The following ATXN2 variants were observed in gnomAD, a reference collection of about 807,000 sequenced individuals.
The protein encoded by ATXN2 is ataxin-2.
ATXN2 carries 37 observed loss-of-function variants against 138.6 expected under a neutral mutation model. The observed-to-expected ratio is 0.27, with a 90% confidence interval of 0.21 to 0.35. The LOEUF (loss-of-function observed/expected upper bound fraction) is 0.35, where lower values mean the gene tolerates loss of function less well. Among genes scored for constraint, ATXN2 ranks in the 10% least tolerant of loss-of-function variants. ATXN2 has a pLI of 1.00. For missense variants in ATXN2, 1,216 were observed against 1,480.3 expected (o/e 0.82, Z 2.93); for synonymous variants, 549 against 543.7 (o/e 1.01, Z -0.13).
intron 18 of ATXN2, among the ~76,000 whole-genome samples, chr12:111,481,000 C>T (rs1229005861): frequency 6.6e-6 from 1 of 152,070 alleles, no homozygotes; most frequent in Non-Finnish European, 1.5e-5. Context: ...CAAAGAACAC[C>T]ATCAAGCAAG....
chr12:111,586,219 CTT>C (rs112320110), intron 1 of ATXN2, among the ~76,000 whole-genome samples: 17 of 139,596 alleles, frequency 1.2e-4, no homozygotes, highest in Admixed American at 2.2e-4. Context: ...GTCTTCCAAA[CTT>C]TTTTTTTTTT....
chr12:111,517,556 T>C (rs1193729955), intron 9 of ATXN2, among the ~76,000 whole-genome samples: 1 of 152,202 alleles, frequency 6.6e-6, no homozygotes, highest in Non-Finnish European at 1.5e-5. Context: ...AGAACTGTTG[T>C]TCAGTATCCC....
chr12:111,510,477 A>T lies in ATXN2; in HGVS notation c.1664T>A (p.Ile555Asn). The change falls in exon 12 of 25, where the codon ATT becomes AAT. Residue 555 changes from isoleucine to asparagine, a missense_variant. Transcript: ENST00000673436. ...PVLASPQAGI[I>N]PTEAVAMPIP... ...AGGCATGGCAACAGCTTCAGTTGGA[A>T]TAATACCAGCTTGGGGAGAAGCAAG... is the stretch of plus-strand genomic sequence containing the variant. The T allele has an allele frequency of 1.2e-6, 2 of 1,614,186 alleles. No homozygotes were observed. The highest frequency in any genetic ancestry group is 1.3e-5 in the African/African-American group (1 of 75,052).
rs769865430 is a variant in ATXN2 at position 111,456,057 on chromosome 12, T to C, written c.3242A>G (p.Asn1081Ser). 23 of 1,613,970 alleles carry C rather than the reference T, an allele frequency of 1.4e-5. No homozygotes were observed. The highest frequency in any genetic ancestry group is 1.2e-4 in the African/African-American group (9 of 74,876). The part of the protein sequence containing the change: ...HPSHVQPAYT[N>S]PPHMAHVPQA... Reference sequence around the variant, plus strand: ...AGGTACGTGGGCCATGTGGGGTGGGTTGGTATACGCCGGCTGAACGTGAGA... The same window carrying C: ...AGGTACGTGGGCCATGTGGGGTGGGCTGGTATACGCCGGCTGAACGTGAGA... Residue 1081 changes from asparagine to serine, a missense_variant, in exon 23 of 25, where the codon AAC (asparagine) becomes AGC (serine). Coordinates refer to ENST00000673436, the MANE Select transcript of ATXN2 (RefSeq NM_001372574.1).
intron 1 of ATXN2, among the ~76,000 whole-genome samples, chr12:111,580,763 GAGAA>G (rs1011558730): frequency 1.9e-4 from 28 of 151,148 alleles, no homozygotes; most frequent in Non-Finnish European, 3.8e-4. Context: ...ATAAAAAGGA[GAGAA>G]AGGAAGGAAA....
At chr12:111,559,624 T>C (rs1262805402) in intron 1 of ATXN2, among the ~76,000 whole-genome samples, 3 of 150,934 alleles carry the variant, frequency 2.0e-5, no homozygotes, top group African/African-American at 4.9e-5. Flanking sequence ...ATAGAAAAAT[T>C]AGCCAGGCGT....
At chr12:111,536,362 G>T (rs1316100265) in intron 5 of ATXN2, among the ~76,000 whole-genome samples, 1 of 152,004 alleles carries the variant, frequency 6.6e-6, no homozygotes, top group Non-Finnish European at 1.5e-5. Context: ...TTAAAGTAAA[G>T]TTGTAAACAG....
chr12:111,490,374 G>C lies in ATXN2; in HGVS notation c.1936-1594C>G, dbSNP rs144455417. Among the ~76,000 whole-genome samples, 424 of 152,238 alleles carry C rather than the reference G, an allele frequency of 2.8e-3. 17 individuals carry two copies. The East Asian group carries it at 0.073, about 26-fold the overall frequency. ...CAGCAGCTTTGTGTGAAATGAACTG[G>C]AGGGAGGCTAATTAGGATGTGGAGG... On this transcript the variant is annotated intron_variant, in intron 14 of 24. Coordinates refer to ENST00000673436, the MANE Select transcript of ATXN2 (RefSeq NM_001372574.1).
intron 8 of ATXN2, among the ~76,000 whole-genome samples, chr12:111,519,560 A>T (rs1176115594): frequency 1.3e-5 from 2 of 152,212 alleles, no homozygotes; most frequent in Non-Finnish European, 2.9e-5. Context: ...TACTTTGAAC[A>T]TGCCTTTAAC....
At position 111,488,736 on chromosome 12, in the gene ATXN2, G is replaced by C. The variant is rs371335254; in HGVS notation, c.1980C>G (p.Asn660Lys). The change falls in exon 15 of 25, where the codon AAC becomes AAG. Residue 660 changes from asparagine to lysine, a missense_variant. Asn to Lys is a moderately conservative substitution (Grantham distance 94). Around this residue, in one of 4 missense-constraint regions of ATXN2, gnomAD observed 490 missense variants for 653.5 expected, o/e 0.75. Transcript: ENST00000673436. Reference protein sequence around the residue: ...STSESMDQLLNKNREGEKSRD... With the variant: ...STSESMDQLLKKNREGEKSRD... ...TTGATTTTTCTCCCTCTCTATTTTT[G>C]TTTAGTAGTTGATCCATAGATTCAG... 1 of 1,610,128 alleles carries C rather than the reference G, an allele frequency of 6.2e-7. No homozygotes were observed.
intron 1 of ATXN2, among the ~76,000 whole-genome samples, chr12:111,583,666 C>T (rs190051444): frequency 3.7e-3 from 541 of 145,572 alleles, no homozygotes; most frequent in Non-Finnish European, 5.4e-3. Flanking sequence ...ATTCAGGAGG[C>T]TGAGGCAGGA....
intron 18 of ATXN2, among the ~76,000 whole-genome samples, chr12:111,483,828 G>C (rs1488282527): frequency 6.6e-6 from 1 of 152,086 alleles, no homozygotes; most frequent in Non-Finnish European, 1.5e-5. Flanking sequence ...TTTCACCCAA[G>C]CTGGAGCCCA....
chr12:111,490,922 C>G (rs1321394127), intron 14 of ATXN2, among the ~76,000 whole-genome samples: 1 of 152,120 alleles, frequency 6.6e-6, no homozygotes, highest in Admixed American at 6.6e-5. Context: ...AGTATTTAGA[C>G]TAGCCCTAGT....
chr12:111,598,220 G>T lies in ATXN2; in HGVS notation c.251+564C>A, dbSNP rs552446698. The stretch of plus-strand genomic sequence containing the variant: ...CGATCTTTCCCAGGACTCGGAGGGG[G>T]CGGGGAGAGAGCCCCGACAGACCCT... On this transcript the variant is annotated intron_variant, in intron 1 of 24. Coordinates refer to ENST00000673436, the MANE Select transcript of ATXN2 (RefSeq NM_001372574.1). This position sits in a 1 kb window ranked among gnomAD's most constrained non-coding sequence, Gnocchi z 4.5. 1 of 1,049,730 alleles carries T rather than the reference G, an allele frequency of 9.5e-7. No individual in the cohort carries two copies. The highest frequency in any genetic ancestry group is 1.7e-5 in the African/African-American group (1 of 59,554). The allele number at this position is 1,049,730 out of a possible 1,614,324, so 65.0% of individuals were successfully genotyped here.
chr12:111,512,683 C>A (rs1481472708), intron 11 of ATXN2: 1 of 151,596 alleles, frequency 6.6e-6, no homozygotes, highest in Non-Finnish European at 1.5e-5. Context: ...GTCTCGATCT[C>A]CTGACCTTGT....
intron 14 of ATXN2, among the ~76,000 whole-genome samples, chr12:111,508,640 T>C (rs1263964677): frequency 6.6e-6 from 1 of 151,406 alleles, no homozygotes; most frequent in African/African-American, 2.4e-5. Context: ...CAAGACAGGG[T>C]TTCACCATGT....
intron 5 of ATXN2, among the ~76,000 whole-genome samples, chr12:111,549,730 G>C (rs1464220564): frequency 1.3e-5 from 2 of 152,074 alleles, no homozygotes; most frequent in Non-Finnish European, 2.9e-5. Context: ...CTACGCACTG[G>C]ACGCAATTGT....
chr12:111,569,706 AC>A (rs1484852265), intron 1 of ATXN2, among the ~76,000 whole-genome samples: 3 of 151,930 alleles, frequency 2.0e-5, no homozygotes, highest in Non-Finnish European at 4.4e-5. Context: ...ACAGAGCGAG[AC>A]CCTGTCTTAA....
chr12:111,565,195 T>C (rs564335267), intron 1 of ATXN2, among the ~76,000 whole-genome samples: 2 of 152,168 alleles, frequency 1.3e-5, no homozygotes, highest in Non-Finnish European at 2.9e-5. Flanking sequence ...CTAGTGTACA[T>C]GTGATGGCAA....
Sources: gnomAD v4.1 joint callset for allele counts (sites outside exome capture counted in the v4.1 genomes callset) on GRCh38, gnomAD v4.1.1 for gene constraint, gnomAD v4.1.1 regional missense constraint, Gnocchi (gnomAD v3.1) non-coding constraint, MANE v1.5 for transcripts, NCBI Gene and HGNC (gene_info 2026-07-23, HGNC 2026-07-21) for gene names.